The following LACTBL1 variants were observed in gnomAD, a reference collection of about 807,000 sequenced individuals.
LACTBL1 encodes the protein lactamase beta like 1.
Under a neutral mutation model 39.6 loss-of-function variants are expected in LACTBL1, and 29 were observed. The ratio of observed to expected loss-of-function variants is 0.73; its 90% CI spans 0.55 to 1.00. The LOEUF (loss-of-function observed/expected upper bound fraction) is 1.00, where lower values mean the gene tolerates loss of function less well. LACTBL1 is among the 50% of genes least tolerant of loss of function. The probability of loss-of-function intolerance (pLI) is 0.00; values close to 1 mark genes in which losing one functional copy is unlikely to be tolerated. For synonymous variants in LACTBL1, 361 were observed against 360.7 expected, an observed-to-expected ratio of 1.00 and a Z score of -0.01; for missense variants, 711 against 748.5, an observed-to-expected ratio of 0.95 and a Z score of 0.59.
chr1:22,967,650 G>T (rs565818092), upstream of LACTBL1, among the ~76,000 whole-genome samples: 79 of 152,014 alleles, frequency 5.2e-4, no homozygotes, highest in African/African-American at 1.4e-3. Context: ...TATATAGAGA[G>T]AGAGAGAGAG....
intron 2 of LACTBL1, 51 bp downstream of exon 4, chr1:22,963,053 TTCA>T (rs1640841600): frequency 1.0e-6 from 1 of 986,172 alleles, no homozygotes; most frequent in African/African-American, 1.7e-5. Context: ...TGCCCTCCCC[TTCA>T]TCACCCAGGC....
chr1:22,968,594 C>G (rs1158778399), upstream of LACTBL1, among the ~76,000 whole-genome samples: 1 of 152,032 alleles, frequency 6.6e-6, no homozygotes, highest in Non-Finnish European at 1.5e-5. Context: ...TCTTCATATA[C>G]TCTTGTTTGT....
rs757290010 is a variant in LACTBL1, at chr1:22,955,301, C to T, written c.659+20G>A. 1 of 1,536,668 alleles carries T rather than the reference C, an allele frequency of 6.5e-7. No individual in the cohort carries two copies. Among genetic ancestry groups the T allele is most frequent in the South Asian group, 1.2e-5 (1 of 83,754 alleles). ...AGGAGGCTCCTAACATGAGGCTGGGCATCAGGGTATGCTCCTCACCTGGTT... is the reference window on the plus strand; with the variant it reads ...AGGAGGCTCCTAACATGAGGCTGGGTATCAGGGTATGCTCCTCACCTGGTT... On this transcript the variant is annotated intron_variant, in intron 5 of 5. Transcript: ENST00000426928.
chr1:22,957,255 T>TC (rs1185213675), intron 4 of LACTBL1, among the ~76,000 whole-genome samples: 6 of 152,186 alleles, frequency 3.9e-5, no homozygotes, highest in Admixed American at 3.3e-4. Context: ...ATTTAGCCAC[T>TC]CCCCTATTGA....
the LACTBL1 span, among the ~76,000 whole-genome samples, chr1:22,971,589 A>T: frequency 2.0e-5 from 3 of 152,074 alleles, no homozygotes; most frequent in African/African-American, 7.2e-5. Flanking sequence ...CCACTCTGGG[A>T]CAACTACTCT....
intron 4 of LACTBL1, among the ~76,000 whole-genome samples, chr1:22,958,369 G>A (rs916804776): frequency 3.3e-5 from 5 of 152,210 alleles, no homozygotes; most frequent in African/African-American, 1.2e-4. Flanking sequence ...ACAGGCATGA[G>A]CCACTGAGCC....
At chr1:22,965,446 G>T (rs1024299891), upstream of LACTBL1, 18 of 1,239,184 alleles carry the variant, frequency 1.5e-5, no homozygotes, top group East Asian at 5.7e-4. Context: ...AAGGACATAA[G>T]GTACAGTCCC....
chr1:22,961,082 A>C (rs1334200303), intron 2 of LACTBL1, among the ~76,000 whole-genome samples: 1 of 152,152 alleles, frequency 6.6e-6, no homozygotes. Flanking sequence ...ACCTAGCCTG[A>C]ACATTTATTG....
chr1:22,970,828 C>A, the LACTBL1 span, among the ~76,000 whole-genome samples: 629 of 132,292 alleles, frequency 4.8e-3, 3 homozygotes, highest in South Asian at 0.019. Flanking sequence ...AAAAAAAAAA[C>A]AACTCTTAGA....
intron 1 of LACTBL1, among the ~76,000 whole-genome samples, chr1:22,964,331 A>G (rs777833496): frequency 3.9e-5 from 6 of 152,118 alleles, no homozygotes; most frequent in African/African-American, 9.7e-5. Flanking sequence ...ACAAATTGCG[A>G]CCTTTCTAGG....
At chr1:22,966,237 A>T (rs1640874979), upstream of LACTBL1, among the ~76,000 whole-genome samples, 1 of 152,214 alleles carries the variant, frequency 6.6e-6, no homozygotes. Flanking sequence ...ATTGCCTCCT[A>T]TGTGCTAGGC....
At chr1:22,957,695 G>A (rs1640776156) in intron 4 of LACTBL1, among the ~76,000 whole-genome samples, 1 of 135,776 alleles carries the variant, frequency 7.4e-6, no homozygotes, top group African/African-American at 2.9e-5. Flanking sequence ...TAGTCACCCA[G>A]GCTGGAGTGC....
intron 1 of LACTBL1, 64 bp from the exon 4 acceptor site, chr1:22,963,280 G>C: frequency 1.1e-6 from 1 of 934,918 alleles, no homozygotes. Flanking sequence ...GGGGGAAAGT[G>C]GCAGCAAAGG....
At chr1:22,958,048 A>T (rs1340237275) in intron 4 of LACTBL1, among the ~76,000 whole-genome samples, 1 of 152,126 alleles carries the variant, frequency 6.6e-6, no homozygotes, top group Non-Finnish European at 1.5e-5. Context: ...AATAATTTGT[A>T]GGTGACTTTT....
chr1:22,972,206 G>C, the LACTBL1 span: 12 of 496,302 alleles, frequency 2.4e-5, no homozygotes, highest in Non-Finnish European at 3.1e-5. Context: ...TAACGTGGGG[G>C]GGATTTAGCC....
chr1:22,970,659 A>G, the LACTBL1 span, among the ~76,000 whole-genome samples: 1 of 152,096 alleles, frequency 6.6e-6, no homozygotes, highest in Non-Finnish European at 1.5e-5. Context: ...AAATAGAAAA[A>G]AATTGCCAGG....
chr1:22,962,437 GTGGCTGGGCTCTGAC>G (rs1640834922), intron 2 of LACTBL1, among the ~76,000 whole-genome samples: 1 of 152,162 alleles, frequency 6.6e-6, no homozygotes, highest in South Asian at 2.1e-4. Context: ...GGTGACCCAA[GTGGCTGGGCTCTGAC>G]TGGCACAGAC....
chr1:22,962,889 T>C (rs1161812763), intron 2 of LACTBL1, among the ~76,000 whole-genome samples: 1 of 152,260 alleles, frequency 6.6e-6, no homozygotes, highest in Non-Finnish European at 1.5e-5. Context: ...GTTTGGTATC[T>C]TCACCGTTCC....
chr1:22,953,102 C>T (rs1384600668), exon 6 of LACTBL1: 21 of 1,229,826 alleles, frequency 1.7e-5, no homozygotes, highest in Non-Finnish European at 2.0e-5. Flanking sequence ...GTGTTGAGGC[C>T]GGGCACGTCG....
Sources: gnomAD v4.1 joint callset for allele counts (sites outside exome capture counted in the v4.1 genomes callset) on GRCh38, gnomAD v4.1.1 for gene constraint, MANE v1.5 for transcripts, NCBI Gene and HGNC (gene_info 2026-07-23, HGNC 2026-07-21) for gene names.